Variants in WDR36 observed in about 807,000 individuals in gnomAD.
WDR36 encodes WD repeat domain 36, also known as WD repeat-containing protein 36.
WDR36 carries 63 observed loss-of-function variants against 112.7 expected under a neutral mutation model. The ratio of observed to expected loss-of-function variants is 0.56; its 90% CI spans 0.46 to 0.69. The LOEUF (loss-of-function observed/expected upper bound fraction) is 0.69, where lower values mean the gene tolerates loss of function less well. WDR36 is among the 30% of genes least tolerant of loss of function. The pLI is 0.00. For missense variants in WDR36, 1,226 were observed against 1,070.3 expected (o/e 1.15, Z -2.03); for synonymous variants, 410 against 362.2 (o/e 1.13, Z -1.50).
At chr5:111,102,423 A>G (rs1251483108) in intron 6 of WDR36, 24 bp downstream of exon 6, 4 of 1,601,740 alleles carry the variant, frequency 2.5e-6, no homozygotes, top group Non-Finnish European at 3.4e-6. Flanking sequence ...TGTTAAGTCA[A>G]AGAGGAACAA....
chr5:111,116,736 C>T (rs1355225571), intron 16 of WDR36, among the ~76,000 whole-genome samples: 1 of 152,110 alleles, frequency 6.6e-6, no homozygotes, highest in African/African-American at 2.4e-5. Context: ...AAACCACCTT[C>T]CTCAATTTGG....
At chr5:111,106,032 A>G in intron 10 of WDR36, 25 bp from the exon 11 acceptor site, 1 of 1,543,116 alleles carries the variant, frequency 6.5e-7, no homozygotes, top group Admixed American at 1.7e-5. Context: ...ATAGCTATGT[A>G]TGTTCCCCTT....
chr5:111,129,641 A>G lies in WDR36; in HGVS notation c.*2758A>G, dbSNP rs1034747239. 1 of 206,438 alleles carries G rather than the reference A, an allele frequency of 4.8e-6. No individual in the cohort carries two copies. The highest frequency in any genetic ancestry group is 9.9e-6 in the Non-Finnish European group (1 of 101,244). The allele number at this position is 206,438 out of a possible 1,614,324, so 12.8% of individuals were successfully genotyped here. A position where few individuals can be genotyped will look rare whatever the true frequency, so the allele number is the denominator to read the frequency against. On this transcript the variant is annotated 3_prime_UTR_variant, in exon 23 of 23. Transcript: ENST00000513710. ...ATGTCTGTTGCCAATGTTTTCTCCTACTTAGCCATTTGGCTTTAATTTTAC... is the reference window on the plus strand; with the variant it reads ...ATGTCTGTTGCCAATGTTTTCTCCTGCTTAGCCATTTGGCTTTAATTTTAC...
intron 2 of WDR36, 36 bp downstream of exon 2, chr5:111,094,983 T>G: frequency 6.3e-7 from 1 of 1,584,406 alleles, no homozygotes; most frequent in South Asian, 1.1e-5. Flanking sequence ...TATGCACATC[T>G]AAACTTTTTT....
At position 111,126,909 on chromosome 5, in the gene WDR36, C is replaced by T. The variant is rs1428272178; in HGVS notation, c.*26C>T. On this transcript the variant is annotated 3_prime_UTR_variant, in exon 23 of 23. Coordinates refer to ENST00000513710, the MANE Select transcript of WDR36 (RefSeq NM_139281.3). Reference sequence around the variant, plus strand: ...AAATAAATTTGTGACTAAACAAAGACTTTCATATTAAATGGGTTCAATTGA... The same window carrying T: ...AAATAAATTTGTGACTAAACAAAGATTTTCATATTAAATGGGTTCAATTGA... 2 of 1,561,304 alleles carry T rather than the reference C, an allele frequency of 1.3e-6. No individual in the cohort carries two copies. Among genetic ancestry groups the T allele is most frequent in the African/African-American group, 1.4e-5 (1 of 73,258 alleles).
At chr5:111,102,550 G>A in intron 6 of WDR36, 151 bp downstream of exon 6, 1 of 796,324 alleles carries the variant, frequency 1.3e-6, no homozygotes, top group South Asian at 1.6e-5. Flanking sequence ...TAGTGTTTTG[G>A]AAATGTAAGT....
At chr5:111,094,520 G>A (rs1173253033) in intron 1 of WDR36, among the ~76,000 whole-genome samples, 1 of 152,126 alleles carries the variant, frequency 6.6e-6, no homozygotes, top group African/African-American at 2.4e-5. Context: ...GATATTTCAT[G>A]ACATGAAAAC....
intron 5 of WDR36, among the ~76,000 whole-genome samples, chr5:111,100,923 A>G (rs1014867723): frequency 3.3e-5 from 5 of 152,026 alleles, no homozygotes; most frequent in Admixed American, 6.6e-5. Flanking sequence ...AAATAATAAT[A>G]CAACAATAAA....
rs1396115479 is a variant in WDR36, at chr5:111,110,323, G to GT, written c.1441+26dup. Reference sequence around the variant, plus strand: ...ATCAAGGTAGAGAATTTTTTTCCTTGTTTTTTATTAATGTAGATAGATACA... The same window carrying GT: ...ATCAAGGTAGAGAATTTTTTTCCTTGTTTTTTTATTAATGTAGATAGATACA... On this transcript the variant is annotated intron_variant, in intron 13 of 22. Coordinates refer to ENST00000513710, the MANE Select transcript of WDR36 (RefSeq NM_139281.3). 3.2e-6 allele frequency: 5 copies of GT among 1,573,958 alleles called. No individual in the cohort carries two copies. Among genetic ancestry groups the GT allele is most frequent in the Non-Finnish European group, 4.4e-6 (5 of 1,144,682 alleles).
intron 19 of WDR36, among the ~76,000 whole-genome samples, chr5:111,122,333 T>G (rs565701572): frequency 1.0e-3 from 157 of 152,362 alleles, no homozygotes; most frequent in Non-Finnish European, 1.6e-3. Flanking sequence ...TTATACTGCA[T>G]AAAATCTTAT....
At chr5:111,099,066 T>C (rs531487858) in intron 4 of WDR36, among the ~76,000 whole-genome samples, 5 of 152,342 alleles carry the variant, frequency 3.3e-5, no homozygotes, top group Non-Finnish European at 7.4e-5. Flanking sequence ...CCTCAACTAA[T>C]GTATTTTCCA....
At chr5:111,112,784 A>G (rs1753368458) in intron 15 of WDR36, among the ~76,000 whole-genome samples, 1 of 151,788 alleles carries the variant, frequency 6.6e-6, no homozygotes, top group Non-Finnish European at 1.5e-5. Flanking sequence ...TGTGATTTGA[A>G]AATTAATGCA....
chr5:111,092,353 G>A lies in WDR36; in HGVS notation c.-104G>A. The A allele has an allele frequency of 1.2e-6, 2 of 1,614,258 alleles. No homozygotes were observed. Among genetic ancestry groups the A allele is most frequent in the South Asian group, 1.1e-5 (1 of 91,084 alleles). ...CAGCGGGCGCCGGAAGCGGTGTTGT[G>A]TCTGCAGCTCTGGCAGAGGACTGTT... On this transcript the variant is annotated 5_prime_UTR_variant, in exon 1 of 23. Coordinates refer to ENST00000513710, the MANE Select transcript of WDR36 (RefSeq NM_139281.3).
At chr5:111,124,244 A>G (rs1753630372) in intron 21 of WDR36, 55 bp downstream of exon 21, 5 of 1,385,842 alleles carry the variant, frequency 3.6e-6, no homozygotes, top group African/African-American at 1.4e-5. Flanking sequence ...TTTACTGTAT[A>G]TGAGGAGAAA....
chr5:111,126,462 G>A lies in WDR36; in HGVS notation c.2539-272G>A, dbSNP rs145924071. On this transcript the variant is annotated intron_variant, in intron 22 of 22. Coordinates refer to ENST00000513710, the MANE Select transcript of WDR36 (RefSeq NM_139281.3). ...ATTTATACCTAAAATGAGTTCACTT[G>A]ATCTGATTATTTAAAAGTATCAGGA... Among the ~76,000 whole-genome samples the A allele has an allele frequency of 3.7e-3, 568 of 152,128 alleles. 5 individuals carry two copies. The highest frequency in any genetic ancestry group is 0.013 in the African/African-American group (544 of 41,510).
In WDR36 at chr5:111,106,036, TC is replaced by T. The variant is rs758392147; in HGVS notation, c.1094-17del. 1 of 1,563,140 alleles carries T rather than the reference TC, an allele frequency of 6.4e-7. No individual in the cohort carries two copies. Among genetic ancestry groups the T allele is most frequent in the South Asian group, 1.1e-5 (1 of 90,010 alleles). On this transcript the variant is annotated intron_variant, in intron 10 of 22. Coordinates refer to ENST00000513710, the MANE Select transcript of WDR36 (RefSeq NM_139281.3). ...AAGAAGGATTCATAGCTATGTATGT[TC>T]CCCTTTCCCCCATCCTTAGGATTAA...
At chr5:111,095,750 AG>A (rs1752963531) in intron 2 of WDR36, among the ~76,000 whole-genome samples, 1 of 152,252 alleles carries the variant, frequency 6.6e-6, no homozygotes, top group Non-Finnish European at 1.5e-5. Flanking sequence ...TTTCAGATAA[AG>A]CATAGTCAGC....
intron 17 of WDR36, among the ~76,000 whole-genome samples, 164 bp downstream of exon 17, chr5:111,119,284 C>T (rs938188525): frequency 6.6e-6 from 1 of 152,174 alleles, no homozygotes; most frequent in Admixed American, 6.6e-5. Flanking sequence ...GATTCAACAT[C>T]TGCTTGATAA....
chr5:111,092,629 T>A lies in WDR36; in HGVS notation c.162+11T>A. 1 of 1,610,556 alleles carries A rather than the reference T, an allele frequency of 6.2e-7. No homozygotes were observed. The highest frequency in any genetic ancestry group is 8.5e-7 in the Non-Finnish European group (1 of 1,179,576). ...TTCCACACCTATGACGTGAGTGACT[T>A]CTTTTGTTAGCTTCCCAGGAAAACC... On this transcript the variant is annotated intron_variant, in intron 1 of 22. Transcript: ENST00000513710.
Sources: allele counts gnomAD v4.1 joint callset (sites outside exome capture counted in the v4.1 genomes callset), GRCh38; gene constraint gnomAD v4.1.1; transcripts MANE v1.5; gene names NCBI Gene and HGNC (gene_info 2026-07-23, HGNC 2026-07-21).